The following CLIC4 variants were observed in gnomAD, a reference collection of about 807,000 sequenced individuals.
CLIC4 encodes the protein chloride intracellular channel protein 4.
CLIC4 carries 13 observed loss-of-function variants against 24.6 expected under a neutral mutation model. The ratio of observed to expected loss-of-function variants is 0.53; its 90% confidence interval spans 0.34 to 0.84. CLIC4 has a LOEUF of 0.84. Ranked by LOEUF, CLIC4 falls within the 40% of genes least tolerant of loss-of-function variation. CLIC4 has a pLI of 0.01. For synonymous variants in CLIC4, 104 were observed against 111.3 expected (o/e 0.93, Z 0.41); for missense variants, 227 against 301.7 (o/e 0.75, Z 1.83).
chr1:24,827,263 T>C (rs1221235602), intron 4 of CLIC4, 147 bp downstream of exon 4: 10 of 570,576 alleles, frequency 1.8e-5, no homozygotes, highest in Middle Eastern at 2.8e-4. Context: ...TGGTCAGAAA[T>C]TGGACAATAA....
chr1:24,787,586 G>A (rs1010075053), intron 1 of CLIC4, among the ~76,000 whole-genome samples: 2 of 151,996 alleles, frequency 1.3e-5, no homozygotes, highest in South Asian at 4.1e-4. Flanking sequence ...ACCCAGGCTG[G>A]AGTGCAGTGG....
At chr1:24,830,364 A>G (rs1224976920) in intron 4 of CLIC4, among the ~76,000 whole-genome samples, 2 of 152,014 alleles carry the variant, frequency 1.3e-5, no homozygotes, top group Non-Finnish European at 1.5e-5. Flanking sequence ...ATATAGATCT[A>G]CCTCAATTTT....
In CLIC4 at chr1:24,797,994, A is replaced by G. The variant is rs182634469; in HGVS notation, c.182+143A>G. On this transcript the variant is annotated intron_variant, in intron 2 of 5. Coordinates refer to ENST00000374379, the MANE Select transcript of CLIC4 (RefSeq NM_013943.3). ...TGGTTTATGGACAAACAACTTGTAT[A>G]TAACTATTTTGGACAAGTCACGCTG... 4.5e-5 allele frequency: 28 copies of G among 627,390 alleles called. No homozygotes were observed. In the African/African-American group the frequency reaches 5.1e-4, roughly 11 times the overall value. The allele number at this position is 627,390 out of a possible 1,614,324, so 38.9% of individuals were successfully genotyped here. A position where few individuals can be genotyped will look rare whatever the true frequency, so the allele number is the denominator to read the frequency against.
chr1:24,765,000 A>G (rs1394806368), intron 1 of CLIC4, among the ~76,000 whole-genome samples: 3 of 152,232 alleles, frequency 2.0e-5, no homozygotes, highest in African/African-American at 7.2e-5. Flanking sequence ...TGAATGAGCT[A>G]TAAGGAAGGC....
intron 1 of CLIC4, among the ~76,000 whole-genome samples, chr1:24,786,987 C>G (rs1282713449): frequency 6.6e-6 from 1 of 151,968 alleles, no homozygotes; most frequent in Non-Finnish European, 1.5e-5. Context: ...GTGGTGTGAT[C>G]ATGGTTCACT....
At position 24,745,478 on chromosome 1, in the gene CLIC4, GCCGGAGCAGTC is replaced by G. The variant is rs939803710; in HGVS notation, c.-66_-56del. On this transcript the variant is annotated 5_prime_UTR_variant, in exon 1 of 6. Coordinates refer to ENST00000374379, the MANE Select transcript of CLIC4 (RefSeq NM_013943.3). ...GCGAGCAGCACGGCGGGAACCGGCA[GCCGGAGCAGTC>G]CCGGAGCAGAAGCAGCAGCAGCAGC... 99 of 1,390,916 alleles carry G rather than the reference GCCGGAGCAGTC, an allele frequency of 7.1e-5. No homozygotes were observed. The African/African-American group carries it at 1.4e-3, about 20-fold the overall frequency. The allele number at this position is 1,390,916 out of a possible 1,614,324, so 86.2% of individuals were successfully genotyped here.
chr1:24,756,687 C>G (rs1405847289), intron 1 of CLIC4, among the ~76,000 whole-genome samples: 2 of 151,928 alleles, frequency 1.3e-5, no homozygotes, highest in African/African-American at 4.8e-5. Context: ...TTGAAGAATA[C>G]AAAACCAAAC....
At position 24,820,083 on chromosome 1, in the gene CLIC4, A is replaced by G. The variant is rs1233580565; in HGVS notation, c.308+5864A>G. ...AAAAAGTATGTATATATATATGTATATATATATATATATAGACAGTATCTT... is the reference window on the plus strand; with the variant it reads ...AAAAAGTATGTATATATATATGTATGTATATATATATATAGACAGTATCTT... On this transcript the variant is annotated intron_variant, in intron 3 of 5. Transcript: ENST00000374379. Among the ~76,000 whole-genome samples, 53 of 93,340 alleles carry G rather than the reference A, an allele frequency of 5.7e-4. 4 individuals carry two copies. The East Asian group carries it at 0.014, about 24-fold the overall frequency. The allele number at this position is 93,340 out of a possible 152,430, so 61.2% of individuals were successfully genotyped here.
chr1:24,746,879 C>T (rs1638706300), intron 1 of CLIC4, among the ~76,000 whole-genome samples: 1 of 152,132 alleles, frequency 6.6e-6, no homozygotes, highest in Non-Finnish European at 1.5e-5. Context: ...GCCTGTACTA[C>T]TCTGGAGGCT....
At chr1:24,751,508 G>C (rs1201399394) in intron 1 of CLIC4, among the ~76,000 whole-genome samples, 1 of 152,164 alleles carries the variant, frequency 6.6e-6, no homozygotes, top group Non-Finnish European at 1.5e-5. Context: ...AAAGTGCTGG[G>C]ATTACAGGCG....
At chr1:24,814,713 C>T (rs1405342362) in intron 3 of CLIC4, among the ~76,000 whole-genome samples, 1 of 152,198 alleles carries the variant, frequency 6.6e-6, no homozygotes, top group East Asian at 1.9e-4. Context: ...TATTTACTTA[C>T]TTCTTTGAGG....
intron 1 of CLIC4, among the ~76,000 whole-genome samples, chr1:24,765,081 G>T (rs985876422): frequency 2.0e-5 from 3 of 152,148 alleles, no homozygotes; most frequent in African/African-American, 7.2e-5. Flanking sequence ...TGCCTGGGAG[G>T]CCTTTTCACT....
Position 24,842,862 on chromosome 1 carries a change from A to C in CLIC4, c.*1925A>C, listed in dbSNP as rs1190273363. The C allele has an allele frequency of 6.6e-6, 1 of 152,154 alleles. No individual in the cohort carries two copies. The highest frequency in any genetic ancestry group is 1.5e-5 in the Non-Finnish European group (1 of 68,014). The allele number at this position is 152,154 out of a possible 1,614,324, so 9.4% of individuals were successfully genotyped here. A position where few individuals can be genotyped will look rare whatever the true frequency, so the allele number is the denominator to read the frequency against. On this transcript the variant is annotated 3_prime_UTR_variant, in exon 6 of 6. Transcript: ENST00000374379. ...TTATCATTCTTCACCTACTTTTTAAATAGTGGCAACTTGGGATTCATTCTG... is the reference window on the plus strand; with the variant it reads ...TTATCATTCTTCACCTACTTTTTAACTAGTGGCAACTTGGGATTCATTCTG...
chr1:24,790,450 T>G (rs1299010719), intron 1 of CLIC4, among the ~76,000 whole-genome samples: 1 of 152,250 alleles, frequency 6.6e-6, no homozygotes, highest in African/African-American at 2.4e-5. Flanking sequence ...AATTTAATAC[T>G]TCTGAGAGAC....
At chr1:24,771,738 C>A in intron 1 of CLIC4, 3 of 377,092 alleles carry the variant, frequency 8.0e-6, no homozygotes, top group South Asian at 4.3e-5. Context: ...GAACTTGAGA[C>A]ATGTAATTGG....
At chr1:24,807,965 T>G (rs1639570396) in intron 2 of CLIC4, among the ~76,000 whole-genome samples, 1 of 152,144 alleles carries the variant, frequency 6.6e-6, no homozygotes, top group Non-Finnish European at 1.5e-5. Flanking sequence ...TTTTTTTTTT[T>G]TTGAGATGGA....
intron 4 of CLIC4, among the ~76,000 whole-genome samples, chr1:24,838,009 TTGTC>T (rs1383993633): frequency 2.6e-5 from 4 of 152,312 alleles, no homozygotes; most frequent in South Asian, 2.1e-4. Context: ...GAAACCATAT[TTGTC>T]TGTCTATTGG....
At chr1:24,797,998 C>T (rs1348480825) in intron 2 of CLIC4, 147 bp downstream of exon 2, 2 of 603,972 alleles carry the variant, frequency 3.3e-6, no homozygotes, top group African/African-American at 1.9e-5. Flanking sequence ...TTGTATATAA[C>T]TATTTTGGAC....
At chr1:24,818,769 G>A (rs996362355) in intron 3 of CLIC4, among the ~76,000 whole-genome samples, 1 of 149,936 alleles carries the variant, frequency 6.7e-6, no homozygotes, top group Non-Finnish European at 1.5e-5. Context: ...AATGGAATCA[G>A]GAAAGGCTTT....
Sources: allele counts gnomAD v4.1 joint callset (sites outside exome capture counted in the v4.1 genomes callset), GRCh38; gene constraint gnomAD v4.1.1; transcripts MANE v1.5; gene names NCBI Gene and HGNC (gene_info 2026-07-23, HGNC 2026-07-21).